Variants in LRP1B observed in about 807,000 individuals in gnomAD.
LRP1B encodes the protein LDL receptor related protein 1B.
LRP1B carries 217 observed loss-of-function variants against 556.6 expected under a neutral mutation model. The observed-to-expected ratio is 0.39, with a 90% confidence interval of 0.35 to 0.44. The LOEUF (loss-of-function observed/expected upper bound fraction) is 0.44. Ranked by LOEUF, LRP1B falls within the 20% of genes least tolerant of loss-of-function variation. The pLI, the probability that LRP1B is intolerant of heterozygous loss-of-function variation, is 1.00. For synonymous variants in LRP1B, 2,047 were observed against 1,865.8 expected (o/e 1.10, Z -2.50); for missense variants, 5,053 against 5,620.8 (o/e 0.90, Z 3.23).
chr2:141,704,984 G>C (rs1692085184), intron 2 of LRP1B, among the ~76,000 whole-genome samples: 1 of 151,932 alleles, frequency 6.6e-6, no homozygotes, highest in South Asian at 2.1e-4. Context: ...ATAGTAAAAG[G>C]TTAATACTTT....
chr2:141,285,333 C>T (rs1041012633), intron 3 of LRP1B, among the ~76,000 whole-genome samples: 1 of 151,904 alleles, frequency 6.6e-6, no homozygotes, highest in Non-Finnish European at 1.5e-5. Context: ...GTTTTCCACC[C>T]GCCTCGGCCT....
chr2:141,117,103 TCA>T lies in LRP1B; in HGVS notation c.1014-54832_1014-54831del, dbSNP rs760821054. Among the ~76,000 whole-genome samples the T allele has an allele frequency of 7.5e-3, 1,149 of 152,206 alleles. 8 individuals are homozygous for T. The highest frequency in any genetic ancestry group is 0.013 in the Non-Finnish European group (893 of 67,938). On this transcript the variant is annotated intron_variant, in intron 7 of 90. Coordinates refer to ENST00000389484, the MANE Select transcript of LRP1B (RefSeq NM_018557.3). The stretch of plus-strand genomic sequence containing the variant: ...ATTCAGGAATGCCCCAAGTATCTTT[TCA>T]TTTATCATTGACTTTTGTCACTAAC...
At chr2:141,929,052 C>T (rs998423368) in intron 1 of LRP1B, among the ~76,000 whole-genome samples, 3 of 152,072 alleles carry the variant, frequency 2.0e-5, no homozygotes, top group Non-Finnish European at 2.9e-5. Flanking sequence ...GGATCCTGAC[C>T]TAGGTGTCTG....
chr2:140,621,654 C>T (rs537850036), intron 41 of LRP1B, among the ~76,000 whole-genome samples: 4 of 152,188 alleles, frequency 2.6e-5, no homozygotes, highest in East Asian at 3.9e-4. Flanking sequence ...CATTATTCAC[C>T]TGCTACTGAC....
At chr2:140,458,882 CT>C (rs935753276) in intron 60 of LRP1B, among the ~76,000 whole-genome samples, 1 of 151,714 alleles carries the variant, frequency 6.6e-6, no homozygotes, top group African/African-American at 2.4e-5. Flanking sequence ...TTCACTACAA[CT>C]AAAAGACAAT....
At chr2:141,153,762 T>C (rs960656178) in intron 7 of LRP1B, among the ~76,000 whole-genome samples, 6 of 150,764 alleles carry the variant, frequency 4.0e-5, no homozygotes, top group African/African-American at 1.5e-4. Context: ...CTGTTTGTAT[T>C]GTCTTAATCC....
At chr2:140,592,813 G>T (rs1041447422) in intron 43 of LRP1B, among the ~76,000 whole-genome samples, 6 of 152,040 alleles carry the variant, frequency 3.9e-5, no homozygotes, top group Admixed American at 3.3e-4. Flanking sequence ...GGTGGTTCAG[G>T]CTTGTAGTCC....
intron 18 of LRP1B, among the ~76,000 whole-genome samples, chr2:140,956,115 T>C (rs1312056104): frequency 6.6e-6 from 1 of 151,662 alleles, no homozygotes; most frequent in Non-Finnish European, 1.5e-5. Context: ...AATAAACACA[T>C]TACCTATTAT....
chr2:141,011,990 G>C (rs1697763474), intron 14 of LRP1B, among the ~76,000 whole-genome samples: 2 of 151,996 alleles, frequency 1.3e-5, no homozygotes, highest in Non-Finnish European at 2.9e-5. Context: ...TGTTTGTCAG[G>C]CACAGTGCTA....
chr2:141,846,612 T>C (rs1367327963), intron 1 of LRP1B, among the ~76,000 whole-genome samples: 1 of 151,498 alleles, frequency 6.6e-6, no homozygotes, highest in Non-Finnish European at 1.5e-5. Context: ...ATCCTTAGCA[T>C]AATATTAAGT....
chr2:141,242,889 C>T (rs1683930852), intron 5 of LRP1B, among the ~76,000 whole-genome samples: 1 of 151,988 alleles, frequency 6.6e-6, no homozygotes, highest in Admixed American at 6.6e-5. Context: ...AGTTAAACAC[C>T]ATTGACTATT....
chr2:141,962,411 C>T (rs996331815), intron 1 of LRP1B, among the ~76,000 whole-genome samples: 1 of 151,748 alleles, frequency 6.6e-6, no homozygotes, highest in Non-Finnish European at 1.5e-5. Context: ...TTTATTAATT[C>T]ATCCTTTCCC....
At chr2:141,329,488 C>T (rs780672543) in intron 3 of LRP1B, among the ~76,000 whole-genome samples, 8 of 150,066 alleles carry the variant, frequency 5.3e-5, no homozygotes, top group African/African-American at 1.7e-4. Context: ...ACTAAAAATA[C>T]GAAAAATTAG....
chr2:141,259,285 A>G (rs1684599040), intron 3 of LRP1B, among the ~76,000 whole-genome samples: 1 of 150,740 alleles, frequency 6.6e-6, no homozygotes, highest in Non-Finnish European at 1.5e-5. Flanking sequence ...CTCTGCAACA[A>G]GAGTGCTTTA....
intron 3 of LRP1B, among the ~76,000 whole-genome samples, chr2:141,451,198 G>C (rs1457306674): frequency 6.6e-6 from 1 of 152,168 alleles, no homozygotes; most frequent in South Asian, 2.1e-4. Flanking sequence ...CCAAGACCCT[G>C]AGTGTGTGCA....
At chr2:141,381,894 G>C (rs901293828) in intron 3 of LRP1B, among the ~76,000 whole-genome samples, 1 of 152,166 alleles carries the variant, frequency 6.6e-6, no homozygotes, top group Non-Finnish European at 1.5e-5. Flanking sequence ...CCCACCAACA[G>C]ACTAAAGTCT....
rs778835610 is a variant in LRP1B, at chr2:140,263,069, G to A, written c.13247+7173C>T. ...CTCCCAAGTAGCTAGAACCACAGGC[G>A]CACACCACCATGCCTGGTTAATTTT... On this transcript the variant is annotated intron_variant, in intron 86 of 90. Transcript: ENST00000389484. 1.2e-3 allele frequency among the ~76,000 whole-genome samples: 180 copies of A among 151,928 alleles called. 3 individuals are homozygous for A. Among genetic ancestry groups the A allele is most frequent in the Admixed American group, 3.9e-4 (6 of 15,232 alleles).
chr2:140,258,411 T>C (rs1681792358), intron 86 of LRP1B, among the ~76,000 whole-genome samples: 1 of 152,142 alleles, frequency 6.6e-6, no homozygotes, highest in Non-Finnish European at 1.5e-5. Flanking sequence ...TTGAGCTGGC[T>C]TTACATATTG....
intron 1 of LRP1B, among the ~76,000 whole-genome samples, chr2:141,997,214 CT>C (rs1702517346): frequency 6.6e-6 from 1 of 151,822 alleles, no homozygotes; most frequent in Non-Finnish European, 1.5e-5. Context: ...CCACAACAGC[CT>C]GGGTTTAATT....
Sources: allele counts gnomAD v4.1 joint callset (sites outside exome capture counted in the v4.1 genomes callset), GRCh38; gene constraint gnomAD v4.1.1; transcripts MANE v1.5; gene names NCBI Gene and HGNC (gene_info 2026-07-23, HGNC 2026-07-21).